Variants in SH3D19 observed in about 807,000 individuals in gnomAD.
SH3D19 encodes SH3 domain containing 19, also known as SH3 domain-containing protein 19.
A neutral mutation model predicts 112.1 loss-of-function variants in SH3D19; 58 were observed. That is an observed-to-expected ratio of 0.52 (90% confidence interval 0.42 to 0.64). The LOEUF (loss-of-function observed/expected upper bound fraction) is 0.64, where lower values mean the gene tolerates loss of function less well. Among genes scored for constraint, SH3D19 ranks in the 30% least tolerant of loss-of-function variants. SH3D19 has a pLI of 0.00. For missense variants in SH3D19, 1,090 were observed against 1,263.4 expected (o/e 0.86, Z 2.08); for synonymous variants, 391 against 448.5 (o/e 0.87, Z 1.62).
intron 1 of SH3D19, among the ~76,000 whole-genome samples, chr4:151,239,774 ATCAT>A (rs1468245932): frequency 6.6e-6 from 1 of 152,256 alleles, no homozygotes; most frequent in Non-Finnish European, 1.5e-5. Flanking sequence ...AGAGGTCCAT[ATCAT>A]TCATTCTTTT....
intron 1 of SH3D19, chr4:151,259,423 A>C (rs1288331950): frequency 6.6e-6 from 1 of 152,270 alleles, no homozygotes; most frequent in Non-Finnish European, 1.5e-5. Flanking sequence ...GTGAGGGTGG[A>C]GGGGCAGGAT....
At chr4:151,229,968 TTG>T (rs983073974) in intron 1 of SH3D19, among the ~76,000 whole-genome samples, 3 of 151,798 alleles carry the variant, frequency 2.0e-5, no homozygotes, top group Admixed American at 2.0e-4. Flanking sequence ...AGACTATTGG[TTG>T]TGTGTGTATA....
At chr4:151,257,753 C>T (rs1394736074) in intron 1 of SH3D19, among the ~76,000 whole-genome samples, 2 of 151,814 alleles carry the variant, frequency 1.3e-5, no homozygotes, top group Non-Finnish European at 2.9e-5. Context: ...CCTATCTCTA[C>T]AAAAAATTAG....
At chr4:151,231,002 C>A (rs111336796) in intron 1 of SH3D19, among the ~76,000 whole-genome samples, 1 of 152,094 alleles carries the variant, frequency 6.6e-6, no homozygotes, top group African/African-American at 2.4e-5. Flanking sequence ...GGAGTATATA[C>A]GGTATATATT....
chr4:151,177,505 T>C (rs925151088), intron 4 of SH3D19, among the ~76,000 whole-genome samples: 2 of 151,976 alleles, frequency 1.3e-5, no homozygotes, highest in African/African-American at 2.4e-5. Context: ...TGTGCCACCA[T>C]ACCCAGCTAA....
chr4:151,194,544 A>T (rs1763123318), intron 2 of SH3D19, among the ~76,000 whole-genome samples: 1 of 151,262 alleles, frequency 6.6e-6, no homozygotes, highest in Non-Finnish European at 1.5e-5. Context: ...CCTCCCGAGT[A>T]GCTGGGATTA....
chr4:151,180,827 C>T (rs1440112457), intron 3 of SH3D19, among the ~76,000 whole-genome samples: 1 of 148,676 alleles, frequency 6.7e-6, no homozygotes, highest in African/African-American at 2.5e-5. Context: ...GCAGTGGCGC[C>T]ATCTCGGCTC....
intron 1 of SH3D19, among the ~76,000 whole-genome samples, chr4:151,264,450 C>CAAAAA (rs1302475768): frequency 1.6e-5 from 2 of 123,978 alleles, no homozygotes; most frequent in Non-Finnish European, 1.8e-5. Context: ...AAAAACCAAA[C>CAAAAA]AAAAAAAAAA....
chr4:151,225,283 G>T (rs1768806210), intron 2 of SH3D19, among the ~76,000 whole-genome samples: 1 of 152,114 alleles, frequency 6.6e-6, no homozygotes, highest in South Asian at 2.1e-4. Context: ...GGAATAAAAA[G>T]AAATTAATAT....
intron 9 of SH3D19, among the ~76,000 whole-genome samples, chr4:151,153,852 T>C (rs1012541234): frequency 1.3e-5 from 2 of 152,236 alleles, no homozygotes; most frequent in African/African-American, 2.4e-5. Flanking sequence ...ATTATGAATA[T>C]GGTATCTCTC....
At chr4:151,324,471 T>A (rs1730851637) in intron 1 of SH3D19, among the ~76,000 whole-genome samples, 1 of 152,154 alleles carries the variant, frequency 6.6e-6, no homozygotes, top group Non-Finnish European at 1.5e-5. Flanking sequence ...GATTACCCAG[T>A]TGGAACCAAA....
intron 1 of SH3D19, among the ~76,000 whole-genome samples, chr4:151,231,083 G>T (rs541489941): frequency 2.8e-4 from 42 of 152,130 alleles, no homozygotes; most frequent in African/African-American, 9.9e-4. Flanking sequence ...GTTCCTTGGG[G>T]CTGAAAACAA....
At chr4:151,257,075 ATTT>A in intron 1 of SH3D19, among the ~76,000 whole-genome samples, 1 of 151,088 alleles carries the variant, frequency 6.6e-6, no homozygotes. Context: ...TTATTTATTT[ATTT>A]ATTTGTTTGT....
At chr4:151,275,452 G>C (rs1773523666) in intron 1 of SH3D19, among the ~76,000 whole-genome samples, 1 of 152,120 alleles carries the variant, frequency 6.6e-6, no homozygotes, top group African/African-American at 2.4e-5. Context: ...ATCTCCTCTT[G>C]ATTTAAGCTA....
chr4:151,122,210 G>A lies in SH3D19; in HGVS notation c.3028-3C>T, dbSNP rs770710478. On this transcript the variant is annotated splice_region_variant and splice_polypyrimidine_tract_variant and intron_variant, in intron 19 of 19. Transcript: ENST00000604030. ...AGCTCTGTTATTATATCTCCAGCCT[G>A]TAAGACAAAAGGAGTTAGAATTACT... 5 of 1,529,822 alleles carry A rather than the reference G, an allele frequency of 3.3e-6. No individual in the cohort carries two copies. The highest frequency in any genetic ancestry group is 3.4e-5 in the Admixed American group (2 of 59,380). The allele number at this position is 1,529,822 out of a possible 1,614,324, so 94.8% of individuals were successfully genotyped here. A position where few individuals can be genotyped will look rare whatever the true frequency, so the allele number is the denominator to read the frequency against.
intron 1 of SH3D19, among the ~76,000 whole-genome samples, chr4:151,302,324 A>G (rs1028074620): frequency 1.3e-5 from 2 of 152,226 alleles, no homozygotes; most frequent in Admixed American, 6.5e-5. Context: ...GTTGTTTGTA[A>G]TCACAGCATT....
intron 1 of SH3D19, among the ~76,000 whole-genome samples, chr4:151,241,963 T>C (rs562460191): frequency 6.6e-6 from 1 of 152,076 alleles, no homozygotes; most frequent in South Asian, 2.1e-4. Flanking sequence ...GAGGCTGCGG[T>C]GTGAGGATTG....
At chr4:151,283,114 C>T in intron 1 of SH3D19, 2 of 1,613,478 alleles carry the variant, frequency 1.2e-6, no homozygotes, top group Non-Finnish European at 1.7e-6. Flanking sequence ...TCTTCCTCCA[C>T]AGATAGAGAT....
intron 2 of SH3D19, among the ~76,000 whole-genome samples, chr4:151,222,625 A>G (rs1330774253): frequency 7.0e-6 from 1 of 142,546 alleles, no homozygotes; most frequent in Non-Finnish European, 1.5e-5. Context: ...TTAAATTCAC[A>G]TATTAGATTT....
Sources: allele counts gnomAD v4.1 joint callset (sites outside exome capture counted in the v4.1 genomes callset), GRCh38; gene constraint gnomAD v4.1.1; transcripts MANE v1.5; gene names NCBI Gene and HGNC (gene_info 2026-07-23, HGNC 2026-07-21).